CNTNAP4: variants seen among roughly 807,000 people sequenced by gnomAD.
CNTNAP4 encodes the protein contactin-associated protein-like 4.
Under a neutral mutation model 148.4 loss-of-function variants are expected in CNTNAP4, and 98 were observed. The observed-to-expected ratio is 0.66, with a 90% CI of 0.56 to 0.78. The LOEUF is 0.78. Ranked by LOEUF, CNTNAP4 falls within the 30% of genes least tolerant of loss-of-function variation. The probability of loss-of-function intolerance (pLI) is 0.00; values close to 1 mark genes in which losing one functional copy is unlikely to be tolerated. For synonymous variants in CNTNAP4, 730 were observed against 565.1 expected (o/e 1.29, Z -4.14); for missense variants, 1,935 against 1,565.6 (o/e 1.24, Z -3.98).
chr16:76,352,100 T>C (rs1459520789), intron 2 of CNTNAP4, among the ~76,000 whole-genome samples: 1 of 152,160 alleles, frequency 6.6e-6, no homozygotes, highest in Non-Finnish European at 1.5e-5. Flanking sequence ...AGGGTGACAT[T>C]ATAGGGGCAT....
At chr16:76,492,583 A>C (rs1315415683) in intron 13 of CNTNAP4, among the ~76,000 whole-genome samples, 2 of 152,146 alleles carry the variant, frequency 1.3e-5, no homozygotes, top group Admixed American at 1.3e-4. Flanking sequence ...CTTGAATTGT[A>C]ATAATCCTCA....
chr16:76,455,905 C>G (rs1019529904), intron 8 of CNTNAP4, among the ~76,000 whole-genome samples: 2 of 152,158 alleles, frequency 1.3e-5, no homozygotes, highest in Non-Finnish European at 2.9e-5. Context: ...AGGACTGGAA[C>G]TAGAAGACGA....
Position 76,508,623 on chromosome 16 carries a change from C to G in CNTNAP4, c.2365+9929C>G, listed in dbSNP as rs1209241744. ...GAACAAAAATTGTTTTTAGTACTTT[C>G]AAAAGGTTTTCACTTTGGAACCCTG... is the stretch of plus-strand genomic sequence containing the variant. On this transcript the variant is annotated intron_variant, in intron 15 of 23. Transcript: ENST00000611870. Among the ~76,000 whole-genome samples, 4 of 94,238 alleles carry G rather than the reference C, an allele frequency of 4.2e-5. 1 individual carries two copies. Among genetic ancestry groups the G allele is most frequent in the Non-Finnish European group, 1.2e-4 (4 of 33,478 alleles). 61.8% of individuals were successfully genotyped at this position (94,238 alleles called of 152,430 possible).
At chr16:76,525,218 C>G (rs1016572230) in intron 17 of CNTNAP4, among the ~76,000 whole-genome samples, 2 of 151,484 alleles carry the variant, frequency 1.3e-5, no homozygotes, top group Non-Finnish European at 2.9e-5. Flanking sequence ...TCCCTGTAGG[C>G]AGACTCAGTG....
In CNTNAP4 at chr16:76,367,331, A is replaced by T. The variant is rs1471260383; in HGVS notation, c.390+11820A>T. 2.6e-5 allele frequency among the ~76,000 whole-genome samples: 4 copies of T among 152,136 alleles called. 1 individual carries two copies. Among genetic ancestry groups the T allele is most frequent in the South Asian group, 4.1e-4 (2 of 4,832 alleles). ...AAGTATTAAAAGAAAATATAGGACAATGTAAAGATACACATGTAATATTGG... is the reference window on the plus strand; with the variant it reads ...AAGTATTAAAAGAAAATATAGGACATTGTAAAGATACACATGTAATATTGG... On this transcript the variant is annotated intron_variant, in intron 3 of 23. Coordinates refer to ENST00000611870, the MANE Select transcript of CNTNAP4 (RefSeq NM_033401.5).
intron 10 of CNTNAP4, among the ~76,000 whole-genome samples, chr16:76,474,561 G>A (rs1315216889): frequency 6.6e-6 from 1 of 152,130 alleles, no homozygotes; most frequent in African/African-American, 2.4e-5. Flanking sequence ...AAAGGAGACG[G>A]TAGAAACCCC....
chr16:76,317,437 A>G (rs910124146), intron 2 of CNTNAP4, among the ~76,000 whole-genome samples: 1 of 151,878 alleles, frequency 6.6e-6, no homozygotes, highest in East Asian at 1.9e-4. Flanking sequence ...GTACTTAGAG[A>G]CAGAGTGTCA....
intron 15 of CNTNAP4, among the ~76,000 whole-genome samples, chr16:76,518,529 A>C (rs1055258949): frequency 2.6e-5 from 4 of 152,006 alleles, no homozygotes; most frequent in Non-Finnish European, 5.9e-5. Context: ...TGTTATTTAA[A>C]TTTTTTTCTA....
In CNTNAP4 at chr16:76,294,169, G is replaced by A. The variant is rs544743374; in HGVS notation, c.85+16422G>A. ...TCTTCCAGTCAGGGTGGTGAGGTACGATGATAAATGTGTCGCAATCCCTGC... is the reference window on the plus strand; with the variant it reads ...TCTTCCAGTCAGGGTGGTGAGGTACAATGATAAATGTGTCGCAATCCCTGC... On this transcript the variant is annotated intron_variant, in intron 1 of 23. Coordinates refer to ENST00000611870, the MANE Select transcript of CNTNAP4 (RefSeq NM_033401.5). Among the ~76,000 whole-genome samples, 92 of 152,254 alleles carry A rather than the reference G, an allele frequency of 6.0e-4. No individual in the cohort carries two copies. The Middle Eastern group carries it at 0.024, about 39-fold the overall frequency.
At chr16:76,313,930 G>A (rs538224485) in intron 1 of CNTNAP4, among the ~76,000 whole-genome samples, 7 of 152,150 alleles carry the variant, frequency 4.6e-5, no homozygotes, top group African/African-American at 1.7e-4. Context: ...GCAAAAATGG[G>A]AACAACTTAA....
intron 1 of CNTNAP4, chr16:76,287,593 C>G (rs1006012301): frequency 2.6e-5 from 4 of 152,166 alleles, no homozygotes; most frequent in Non-Finnish European, 4.4e-5. Flanking sequence ...TTAGCAAAAT[C>G]GAGCCTCCTG....
At chr16:76,436,989 C>CTATCTATCTATCTATCTATTTATCTATT (rs144797032) in intron 4 of CNTNAP4, among the ~76,000 whole-genome samples, 1 of 151,298 alleles carries the variant, frequency 6.6e-6, no homozygotes, top group East Asian at 2.0e-4. Context: ...ATCTATCTGT[C>CTATCTATCTATCTATCTATTTATCTATT]TATCTAGGAG....
At chr16:76,451,961 T>C (rs2080501610) in intron 7 of CNTNAP4, among the ~76,000 whole-genome samples, 1 of 152,122 alleles carries the variant, frequency 6.6e-6, no homozygotes, top group Non-Finnish European at 1.5e-5. Context: ...GCTCATTACG[T>C]ATTATATATA....
At chr16:76,391,269 A>C (rs1597397977) in intron 3 of CNTNAP4, among the ~76,000 whole-genome samples, 2 of 152,142 alleles carry the variant, frequency 1.3e-5, no homozygotes. Flanking sequence ...TGTGGTAAAC[A>C]CTTCCTCCAT....
intron 3 of CNTNAP4, among the ~76,000 whole-genome samples, chr16:76,386,799 T>C (rs1189853576): frequency 6.6e-6 from 1 of 152,140 alleles, no homozygotes; most frequent in African/African-American, 2.4e-5. Flanking sequence ...CAGATGATCA[T>C]AGTAAGATTA....
chr16:76,309,831 G>A (rs763710008), intron 1 of CNTNAP4: 22 of 700,108 alleles, frequency 3.1e-5, no homozygotes, highest in African/African-American at 5.2e-5. Flanking sequence ...GTTGCTCAGG[G>A]GTTTCCGCTT....
chr16:76,424,188 A>G (rs1204955469), intron 3 of CNTNAP4, among the ~76,000 whole-genome samples: 4 of 152,134 alleles, frequency 2.6e-5, no homozygotes, highest in Non-Finnish European at 5.9e-5. Flanking sequence ...GTCTTATTCC[A>G]TTTACCTGTT....
At chr16:76,296,267 C>A (rs1030474714) in intron 1 of CNTNAP4, among the ~76,000 whole-genome samples, 4 of 152,006 alleles carry the variant, frequency 2.6e-5, no homozygotes, top group African/African-American at 7.3e-5. Context: ...GTGATTCTTC[C>A]GCAACACAGA....
At chr16:76,522,725 T>TCTTTTCTTTTCTCTC (rs2083533419) in intron 17 of CNTNAP4, among the ~76,000 whole-genome samples, 4 of 78,952 alleles carry the variant, frequency 5.1e-5, no homozygotes, top group Non-Finnish European at 7.3e-5. Flanking sequence ...TCTTTTCTTT[T>TCTTTTCTTTTCTCTC]CTTTTCTTTT....
Sources: allele counts gnomAD v4.1 joint callset (sites outside exome capture counted in the v4.1 genomes callset), GRCh38; gene constraint gnomAD v4.1.1; transcripts MANE v1.5; gene names NCBI Gene and HGNC (gene_info 2026-07-23, HGNC 2026-07-21).